ABLIM1: variants seen among roughly 807,000 people sequenced by gnomAD.
The protein encoded by ABLIM1 is actin-binding LIM protein 1.
In ABLIM1, 40 loss-of-function variants were observed where a neutral mutation model predicts 107.0. The ratio of observed to expected loss-of-function variants is 0.37; its 90% CI spans 0.29 to 0.49. The LOEUF is 0.49. Ranked by LOEUF, ABLIM1 falls within the 20% of genes least tolerant of loss-of-function variation. ABLIM1 has a pLI of 0.97. For synonymous variants in ABLIM1, 357 were observed against 357.3 expected (o/e 1.00, Z 0.01); for missense variants, 857 against 1,008.5 (o/e 0.85, Z 2.04).
intron 1 of ABLIM1, among the ~76,000 whole-genome samples, chr10:114,653,107 T>G (rs563577599): frequency 6.6e-6 from 1 of 152,336 alleles, no homozygotes; most frequent in South Asian, 2.1e-4. Context: ...CAGGCAGACC[T>G]AAGCCCAAAT....
chr10:114,562,194 A>T (rs918834239), intron 4 of ABLIM1, among the ~76,000 whole-genome samples: 1 of 152,164 alleles, frequency 6.6e-6, no homozygotes, highest in African/African-American at 2.4e-5. Flanking sequence ...GTTGTACTCA[A>T]AGTTGAGGAG....
At chr10:114,623,433 G>T (rs2140481205) in intron 1 of ABLIM1, among the ~76,000 whole-genome samples, 1 of 152,256 alleles carries the variant, frequency 6.6e-6, no homozygotes, top group South Asian at 2.1e-4. Flanking sequence ...CATCCTGCTG[G>T]AGAGCCAGAG....
chr10:114,680,334 T>C (rs2080692689), intron 1 of ABLIM1, among the ~76,000 whole-genome samples: 3 of 152,220 alleles, frequency 2.0e-5, no homozygotes, highest in Admixed American at 2.0e-4. Context: ...ATTACACAGC[T>C]AGTAGGTGTC....
intron 1 of ABLIM1, among the ~76,000 whole-genome samples, chr10:114,673,272 A>C (rs886505892): frequency 2.1e-5 from 3 of 143,506 alleles, no homozygotes; most frequent in East Asian, 2.0e-4. Context: ...AAAAAAAAAC[A>C]AAAAAAAAAC....
the ABLIM1 span, among the ~76,000 whole-genome samples, chr10:114,798,844 G>A: frequency 6.6e-6 from 1 of 151,870 alleles, no homozygotes; most frequent in East Asian, 1.9e-4. Context: ...TCGCCAGGCT[G>A]GAGTGCAGTG....
rs112975399 is a variant in ABLIM1, at chr10:114,757,476, C to T, written c.-213+10585G>A. ...CAAATCTGCCCCTTCTATACTCTTC[C>T]TCATTGCAAGAAATGACATGCTATC... On this transcript the variant is annotated intron_variant, in intron 1 of 15. Transcript: ENST00000651092. Among the ~76,000 whole-genome samples, 1,158 of 152,254 alleles carry T rather than the reference C, an allele frequency of 7.6e-3. 11 individuals carry two copies. The highest frequency in any genetic ancestry group is 0.027 in the African/African-American group (1,114 of 41,554).
chr10:114,642,697 T>C (rs2078806139), intron 1 of ABLIM1, among the ~76,000 whole-genome samples: 2 of 152,230 alleles, frequency 1.3e-5, no homozygotes, highest in African/African-American at 2.4e-5. Context: ...AGTATAGATA[T>C]AATATATTTT....
At chr10:114,529,164 C>T (rs1013866493) in intron 6 of ABLIM1, among the ~76,000 whole-genome samples, 13 of 147,954 alleles carry the variant, frequency 8.8e-5, no homozygotes, top group East Asian at 4.0e-4. Context: ...CTCATTCTGT[C>T]GCAAGGCTGG....
intron 1 of ABLIM1, among the ~76,000 whole-genome samples, chr10:114,671,843 A>T (rs1311592653): frequency 6.6e-6 from 1 of 151,870 alleles, no homozygotes; most frequent in African/African-American, 2.4e-5. Context: ...CCTTTTTCTT[A>T]TTGATTTGTA....
intron 4 of ABLIM1, among the ~76,000 whole-genome samples, chr10:114,551,770 C>T (rs1177720059): frequency 6.6e-6 from 1 of 152,186 alleles, no homozygotes; most frequent in African/African-American, 2.4e-5. Flanking sequence ...AATCAGGTAC[C>T]ACGTGAGGGC....
intron 1 of ABLIM1, among the ~76,000 whole-genome samples, chr10:114,604,238 G>T (rs987785932): frequency 1.8e-4 from 27 of 152,334 alleles, no homozygotes; most frequent in Non-Finnish European, 3.1e-4. Flanking sequence ...GAAGCTGAAA[G>T]ATCCACGCCC....
intron 1 of ABLIM1, among the ~76,000 whole-genome samples, chr10:114,616,702 C>T (rs1199715124): frequency 6.6e-6 from 1 of 152,198 alleles, no homozygotes; most frequent in Non-Finnish European, 1.5e-5. Context: ...GATCCTCAAA[C>T]TAATCTGTTA....
intron 1 of ABLIM1, among the ~76,000 whole-genome samples, chr10:114,729,487 C>T (rs1051772143): frequency 3.3e-5 from 5 of 152,092 alleles, no homozygotes; most frequent in Non-Finnish European, 5.9e-5. Flanking sequence ...TTTGCACAGT[C>T]CAATTCCCAA....
chr10:114,579,446 C>T (rs919418561), intron 2 of ABLIM1, among the ~76,000 whole-genome samples: 1 of 152,130 alleles, frequency 6.6e-6, no homozygotes, highest in African/African-American at 2.4e-5. Context: ...TTAGATAAGT[C>T]ATGTTTTTAT....
chr10:114,655,812 T>C (rs1028611527), intron 1 of ABLIM1, among the ~76,000 whole-genome samples: 12 of 152,124 alleles, frequency 7.9e-5, no homozygotes, highest in African/African-American at 2.9e-4. Flanking sequence ...AAGAGAAGAC[T>C]GTTAAGAGTA....
At chr10:114,643,403 C>G (rs553422612) in intron 1 of ABLIM1, among the ~76,000 whole-genome samples, 1 of 152,168 alleles carries the variant, frequency 6.6e-6, no homozygotes, top group Non-Finnish European at 1.5e-5. Context: ...TCACATCACA[C>G]AATCACTTCA....
chr10:114,545,007 C>T lies in ABLIM1; in HGVS notation c.892G>A (p.Glu298Lys), dbSNP rs770445825. ...GAGGGAGCCGGTCTGCCACTTACCT[C>T]CAGGACTTTCCCTGTGATAAACTGG... The part of the protein sequence containing the change: ...CHQFITGKVL[E>K]AGDKHYHPSC... The change falls in exon 6 of 23, where the codon GAG becomes AAG. Residue 298 changes from glutamate (E) to lysine (K), a missense_variant and splice_region_variant. Glu to Lys is a moderately conservative substitution (Grantham distance 56). Around this residue, in one of 5 missense-constraint regions of ABLIM1, gnomAD observed 381 missense variants for 506.9 expected, o/e 0.75. Coordinates refer to ENST00000533213, the MANE Select transcript of ABLIM1 (RefSeq NM_002313.7). 1 of 1,614,098 alleles carries T rather than the reference C, an allele frequency of 6.2e-7. No homozygotes were observed.
intron 1 of ABLIM1, among the ~76,000 whole-genome samples, chr10:114,697,725 A>C (rs2076092288): frequency 6.6e-6 from 1 of 152,204 alleles, no homozygotes; most frequent in South Asian, 2.1e-4. Flanking sequence ...GATAGCCCTA[A>C]TTTTCAATTT....
Position 114,486,726 on chromosome 10 carries a change from CAACTT to C in ABLIM1, c.1041+1227_1041+1231del, listed in dbSNP as rs2058247960. 2.6e-5 allele frequency among the ~76,000 whole-genome samples: 4 copies of C among 151,928 alleles called. No homozygotes were observed. In the South Asian group the frequency reaches 6.2e-4, roughly 24 times the overall value. On this transcript the variant is annotated intron_variant, in intron 8 of 22. Coordinates refer to ENST00000533213, the MANE Select transcript of ABLIM1 (RefSeq NM_002313.7). ...AGAAAAAGTGTTTTTTTTTCCCCCTCAACTTAAGTATGTTCACAATAATTGTGCAT... is the reference window on the plus strand; with the variant it reads ...AGAAAAAGTGTTTTTTTTTCCCCCTCAAGTATGTTCACAATAATTGTGCAT...
Sources: allele counts gnomAD v4.1 joint callset (sites outside exome capture counted in the v4.1 genomes callset), GRCh38; gene constraint gnomAD v4.1.1; regional missense constraint gnomAD v4.1.1; transcripts MANE v1.5; gene names NCBI Gene and HGNC (gene_info 2026-07-23, HGNC 2026-07-21).